The following SHISA9 variants were observed in gnomAD, a reference collection of about 807,000 sequenced individuals.
SHISA9 encodes the protein protein shisa-9.
Under a neutral mutation model 38.0 loss-of-function variants are expected in SHISA9, and 13 were observed. That is an observed-to-expected ratio of 0.34 (90% CI 0.22 to 0.54). The LOEUF is 0.54. SHISA9 is among the 20% of genes least tolerant of loss of function. The pLI, the probability that SHISA9 is intolerant of heterozygous loss-of-function variation, is 0.91. For synonymous variants in SHISA9, 275 were observed against 242.0 expected, an observed-to-expected ratio of 1.14 and a Z score of -1.27; for missense variants, 538 against 575.8, an observed-to-expected ratio of 0.93 and a Z score of 0.67.
At chr16:13,471,456 A>G in the SHISA9 span, among the ~76,000 whole-genome samples, 1 of 152,216 alleles carries the variant, frequency 6.6e-6, no homozygotes, top group Non-Finnish European at 1.5e-5. Flanking sequence ...CCTCATGGGA[A>G]TATAAGCACT....
In SHISA9 at chr16:12,912,191, C is replaced by T. The variant is rs376243656; in HGVS notation, c.564-4497C>T. 5.3e-5 allele frequency among the ~76,000 whole-genome samples: 8 copies of T among 149,986 alleles called. No individual in the cohort carries two copies. In the East Asian group the frequency reaches 1.0e-3, roughly 19 times the overall value. On this transcript the variant is annotated intron_variant, in intron 1 of 4. Transcript: ENST00000558583. ...CGGTTTATGCAGTCCCTGGAGTGAG[C>T]GAGCCCCACTTCAAAGACTCTTTGT...
intron 2 of SHISA9, among the ~76,000 whole-genome samples, chr16:13,086,752 GGAGA>G (rs1470833269): frequency 6.6e-6 from 1 of 152,144 alleles, no homozygotes; most frequent in African/African-American, 2.4e-5. Context: ...GATGGAAGCA[GGAGA>G]GAGAAAGATT....
chr16:12,905,863 A>C (rs559940055), intron 1 of SHISA9, among the ~76,000 whole-genome samples: 10 of 152,180 alleles, frequency 6.6e-5, no homozygotes, highest in African/African-American at 2.4e-4. Flanking sequence ...TGCCTCCCAA[A>C]GTGCTGGAAT....
chr16:13,243,921 C>T (rs1034754575), downstream of SHISA9, among the ~76,000 whole-genome samples: 3 of 151,924 alleles, frequency 2.0e-5, no homozygotes, highest in African/African-American at 7.2e-5. Context: ...TACAGGCACG[C>T]ACCACCACAC....
At chr16:13,081,851 C>CA (rs35913412) in intron 2 of SHISA9, among the ~76,000 whole-genome samples, 10,649 of 85,696 alleles carry the variant, frequency 0.12, 893 homozygotes, top group African/African-American at 0.29. Flanking sequence ...GACTCCATCT[C>CA]AAAAAAAAAA....
chr16:13,175,652 G>A (rs2050725562), intron 2 of SHISA9, among the ~76,000 whole-genome samples: 1 of 152,188 alleles, frequency 6.6e-6, no homozygotes, highest in Non-Finnish European at 1.5e-5. Flanking sequence ...AAAGGAACTT[G>A]GAATATTAGC....
intron 2 of SHISA9, among the ~76,000 whole-genome samples, chr16:13,019,820 CTTT>C (rs1567183848): frequency 6.2e-4 from 80 of 129,242 alleles, no homozygotes; most frequent in African/African-American, 2.0e-3. Flanking sequence ...TTCTTTCTTT[CTTT>C]CTTTCTTTCT....
At chr16:12,951,367 A>G (rs1434615935) in intron 2 of SHISA9, among the ~76,000 whole-genome samples, 2 of 151,678 alleles carry the variant, frequency 1.3e-5, no homozygotes, top group African/African-American at 4.8e-5. Context: ...CACTTTTTCT[A>G]TAAAAGACCA....
rs1567183896 is a variant in SHISA9, at chr16:13,019,838, C to CTTT, written c.691+103023_691+103024insTTT. Among the ~76,000 whole-genome samples the CTTT allele has an allele frequency of 2.9e-3, 133 of 45,392 alleles. 1 individual carries two copies. The highest frequency in any genetic ancestry group is 3.6e-3 in the Non-Finnish European group (90 of 24,788). 29.8% of individuals were successfully genotyped at this position (45,392 alleles called of 152,430 possible). A position where few individuals can be genotyped will look rare whatever the true frequency, so the allele number is the denominator to read the frequency against. Reference sequence around the variant, plus strand: ...TTTCTTTCTTTCTTTCTTTCTTTTTCCTTCCTTCCCTCCCTCCCTCCCTCC... The same window carrying CTTT: ...TTTCTTTCTTTCTTTCTTTCTTTTTCTTTCTTCCTTCCCTCCCTCCCTCCCTCC... On this transcript the variant is annotated intron_variant, in intron 2 of 4. Transcript: ENST00000558583.
the SHISA9 span, among the ~76,000 whole-genome samples, chr16:13,355,181 G>A: frequency 1.3e-5 from 2 of 149,724 alleles, no homozygotes; most frequent in Non-Finnish European, 3.0e-5. Context: ...AACTTGTAAG[G>A]CTTGTCTGGT....
chr16:13,314,237 C>A, the SHISA9 span, among the ~76,000 whole-genome samples: 1 of 150,236 alleles, frequency 6.7e-6, no homozygotes, highest in South Asian at 2.1e-4. Flanking sequence ...TTTTGAGATG[C>A]AGTTTCACTC....
chr16:13,351,481 GC>G, the SHISA9 span, among the ~76,000 whole-genome samples: 1 of 152,196 alleles, frequency 6.6e-6, no homozygotes, highest in African/African-American at 2.4e-5. Context: ...GGTTGAACAT[GC>G]AAAGGAAGGA....
At chr16:13,172,066 C>G in intron 2 of SHISA9, among the ~76,000 whole-genome samples, 1 of 152,148 alleles carries the variant, frequency 6.6e-6, no homozygotes, top group South Asian at 2.1e-4. Flanking sequence ...TCCTTTCCCC[C>G]CTTTCCCTCC....
the SHISA9 span, among the ~76,000 whole-genome samples, chr16:13,329,682 G>C: frequency 6.6e-6 from 1 of 152,164 alleles, no homozygotes; most frequent in Non-Finnish European, 1.5e-5. Flanking sequence ...AACATGCCCA[G>C]GACAACCTGC....
chr16:13,534,224 CT>C, the SHISA9 span, among the ~76,000 whole-genome samples: 44,248 of 125,494 alleles, frequency 0.35, 6,169 homozygotes, highest in East Asian at 0.53. Context: ...CACCATTTCA[CT>C]TTTTTTTTTT....
chr16:13,457,045 G>A, the SHISA9 span, among the ~76,000 whole-genome samples: 3 of 152,196 alleles, frequency 2.0e-5, no homozygotes, highest in African/African-American at 4.8e-5. Flanking sequence ...AGTGGCTCAC[G>A]CCCATAATCC....
At chr16:13,491,133 G>A in the SHISA9 span, among the ~76,000 whole-genome samples, 1 of 152,164 alleles carries the variant, frequency 6.6e-6, no homozygotes, top group South Asian at 2.1e-4. Flanking sequence ...TGAGAAAGAT[G>A]CATTAACAGA....
chr16:13,007,345 A>G (rs1258650513), intron 2 of SHISA9, among the ~76,000 whole-genome samples: 4 of 151,014 alleles, frequency 2.6e-5, no homozygotes, highest in African/African-American at 9.8e-5. Flanking sequence ...CTCTTTTCCA[A>G]CCTCCCACCC....
At chr16:13,020,934 A>G (rs2072844983) in intron 2 of SHISA9, among the ~76,000 whole-genome samples, 1 of 152,200 alleles carries the variant, frequency 6.6e-6, no homozygotes, top group South Asian at 2.1e-4. Flanking sequence ...GTGACCACAT[A>G]ATATCTCCCC....
Sources: allele counts gnomAD v4.1 joint callset (sites outside exome capture counted in the v4.1 genomes callset), GRCh38; gene constraint gnomAD v4.1.1; transcripts MANE v1.5; gene names NCBI Gene and HGNC (gene_info 2026-07-23, HGNC 2026-07-21).